The following TMEM169 variants were observed in gnomAD, a reference collection of about 807,000 sequenced individuals.
The protein encoded by TMEM169 is transmembrane protein 169.
TMEM169 carries 18 observed loss-of-function variants against 27.3 expected under a neutral mutation model. The observed-to-expected ratio is 0.66, with a 90% confidence interval of 0.46 to 0.98. The LOEUF (loss-of-function observed/expected upper bound fraction) is 0.98, where lower values mean the gene tolerates loss of function less well. Ranked by LOEUF, TMEM169 falls within the 50% of genes least tolerant of loss-of-function variation. The probability of loss-of-function intolerance (pLI) is 0.00; values close to 1 mark genes in which losing one functional copy is unlikely to be tolerated. For synonymous variants in TMEM169, 136 were observed against 142.1 expected, an observed-to-expected ratio of 0.96 and a Z score of 0.30; for missense variants, 320 against 368.6, an observed-to-expected ratio of 0.87 and a Z score of 1.08.
intron 1 of TMEM169, among the ~76,000 whole-genome samples, chr2:216,093,847 T>G (rs1229242608): frequency 1.3e-5 from 2 of 152,194 alleles, no homozygotes; most frequent in African/African-American, 4.8e-5. Flanking sequence ...TGCTATACAG[T>G]ACTTCCTGTC....
chr2:216,085,676 GC>G (rs1695978730), intron 1 of TMEM169, among the ~76,000 whole-genome samples: 1 of 152,092 alleles, frequency 6.6e-6, no homozygotes, highest in Non-Finnish European at 1.5e-5. Flanking sequence ...TTCGAGACCA[GC>G]CTGACCAACA....
rs750816269 is a variant in TMEM169 at position 216,100,126 on chromosome 2, G to A, written c.478G>A (p.Val160Met). 7 of 1,614,062 alleles carry A rather than the reference G, an allele frequency of 4.3e-6. No individual in the cohort carries two copies. The South Asian group carries it at 7.7e-5, about 18-fold the overall frequency. The change falls in exon 3 of 3, where the codon GTG (valine) becomes ATG (methionine). Residue 160 changes from valine (V) to methionine (M), a missense_variant. Transcript: ENST00000437356. ...CQMGADRGPH[V>M]VLWTLICLPV... ...GATGGGAGCTGACCGTGGGCCCCAT[G>A]TGGTCCTCTGGACGCTGATCTGCCT...
chr2:216,096,335 G>T, intron 2 of TMEM169, 101 bp downstream of exon 2: 3 of 1,338,988 alleles, frequency 2.2e-6, no homozygotes, highest in Non-Finnish European at 3.1e-6. Context: ...TTTCTTCTTG[G>T]TGATACATTT....
At chr2:216,083,996 C>T (rs1438286894) in intron 1 of TMEM169, among the ~76,000 whole-genome samples, 1 of 152,180 alleles carries the variant, frequency 6.6e-6, no homozygotes, top group Non-Finnish European at 1.5e-5. Flanking sequence ...CGCCATGCTG[C>T]ACTGACCACT....
intron 1 of TMEM169, 121 bp downstream of exon 1, chr2:216,082,100 A>G (rs575688901): frequency 8.4e-6 from 2 of 238,334 alleles, no homozygotes; most frequent in Non-Finnish European, 1.7e-5. Context: ...CAAAAATTCA[A>G]TCCTCAGGGC....
At chr2:216,092,407 C>T (rs1696154799) in intron 1 of TMEM169, among the ~76,000 whole-genome samples, 1 of 151,958 alleles carries the variant, frequency 6.6e-6, no homozygotes, top group East Asian at 1.9e-4. Context: ...CTTGATCTCC[C>T]AAAGTGCTGG....
At chr2:216,094,794 A>G (rs1180798152) in intron 1 of TMEM169, among the ~76,000 whole-genome samples, 1 of 152,232 alleles carries the variant, frequency 6.6e-6, no homozygotes, top group Non-Finnish European at 1.5e-5. Context: ...TGAAGGACAG[A>G]TATACAGACC....
intron 1 of TMEM169, among the ~76,000 whole-genome samples, chr2:216,089,199 G>T (rs772690172): frequency 5.9e-5 from 9 of 152,074 alleles, no homozygotes; most frequent in Non-Finnish European, 1.2e-4. Context: ...GTGAGGGAAG[G>T]TTCAAGAAAG....
At chr2:216,084,220 C>G (rs765671120) in intron 1 of TMEM169, among the ~76,000 whole-genome samples, 4 of 151,350 alleles carry the variant, frequency 2.6e-5, no homozygotes, top group Non-Finnish European at 5.9e-5. Flanking sequence ...CTCTGCAAAG[C>G]AGCTGCTAGC....
Position 216,095,917 on chromosome 2 carries a change from A to G in TMEM169, c.-47A>G, listed in dbSNP as rs1696250976. The G allele has an allele frequency of 6.4e-7, 1 of 1,566,424 alleles. No individual in the cohort carries two copies. The highest frequency in any genetic ancestry group is 1.4e-5 in the African/African-American group (1 of 73,092). On this transcript the variant is annotated 5_prime_UTR_variant, in exon 2 of 3. Coordinates refer to ENST00000437356, the MANE Select transcript of TMEM169 (RefSeq NM_001142311.2). Reference sequence around the variant, plus strand: ...TGATGTGTGAACTGTGAGTTTACTCAAACAAGTCCAACTCTTTATAAGACA... The same window carrying G: ...TGATGTGTGAACTGTGAGTTTACTCGAACAAGTCCAACTCTTTATAAGACA...
At chr2:216,094,571 C>G (rs1458117852) in intron 1 of TMEM169, among the ~76,000 whole-genome samples, 1 of 152,150 alleles carries the variant, frequency 6.6e-6, no homozygotes, top group Non-Finnish European at 1.5e-5. Context: ...AGTACAAACA[C>G]CACCTCTAAA....
intron 1 of TMEM169, chr2:216,082,688 T>C (rs1466788975): frequency 6.6e-6 from 1 of 152,234 alleles, no homozygotes; most frequent in East Asian, 1.9e-4. Context: ...GATTTATTAT[T>C]CAGATCTGCT....
intron 1 of TMEM169, among the ~76,000 whole-genome samples, chr2:216,086,010 G>T (rs1695986704): frequency 6.6e-6 from 1 of 152,070 alleles, no homozygotes; most frequent in South Asian, 2.1e-4. Flanking sequence ...CAATGACCAA[G>T]AGTACAGAGC....
At chr2:216,091,210 C>T (rs1235864948) in intron 1 of TMEM169, among the ~76,000 whole-genome samples, 1 of 152,130 alleles carries the variant, frequency 6.6e-6, no homozygotes, top group Non-Finnish European at 1.5e-5. Flanking sequence ...AAAGTGATGG[C>T]ATTAGGTGAG....
chr2:216,090,886 A>G (rs907344608), intron 1 of TMEM169, among the ~76,000 whole-genome samples: 3 of 152,224 alleles, frequency 2.0e-5, no homozygotes, highest in Admixed American at 2.0e-4. Context: ...AGGATCCCCA[A>G]ATTTAGGAAA....
intron 1 of TMEM169, among the ~76,000 whole-genome samples, chr2:216,091,510 T>C (rs1696123108): frequency 6.9e-6 from 1 of 144,214 alleles, no homozygotes; most frequent in African/African-American, 2.6e-5. Context: ...TGAGCCAAGA[T>C]TGCGCCACTG....
rs1296468722 is a variant in TMEM169, at chr2:216,101,262, C to G, written c.*720C>G. On this transcript the variant is annotated 3_prime_UTR_variant, in exon 3 of 3. Coordinates refer to ENST00000437356, the MANE Select transcript of TMEM169 (RefSeq NM_001142311.2). ...GTTTCTGATAAAATAGAGGAAAGGG[C>G]AGAGAAGCACACACCCTTCCTGTTC... The G allele has an allele frequency of 1.3e-5, 2 of 153,202 alleles. No homozygotes were observed. The highest frequency in any genetic ancestry group is 1.3e-4 in the Admixed American group (2 of 15,444). The allele number at this position is 153,202 out of a possible 1,614,324, so 9.5% of individuals were successfully genotyped here. A position where few individuals can be genotyped will look rare whatever the true frequency, so the allele number is the denominator to read the frequency against.
chr2:216,087,772 C>A (rs1381388870), intron 1 of TMEM169, among the ~76,000 whole-genome samples: 1 of 152,212 alleles, frequency 6.6e-6, no homozygotes, highest in African/African-American at 2.4e-5. Context: ...CTTAGAGCAG[C>A]ACTTGGCACA....
rs1037525984 is a variant in TMEM169 at position 216,101,070 on chromosome 2, A to C, written c.*528A>C. ...AGTGGCTTAAACAAGATAGAAGTGT[A>C]TTTCTTTCTTGTGCAGAAGAAGTCT... On this transcript the variant is annotated 3_prime_UTR_variant, in exon 3 of 3. Coordinates refer to ENST00000437356, the MANE Select transcript of TMEM169 (RefSeq NM_001142311.2). 1.2e-5 allele frequency: 2 copies of C among 171,570 alleles called. No individual in the cohort carries two copies. The allele number at this position is 171,570 out of a possible 1,614,324, so 10.6% of individuals were successfully genotyped here.
Sources: gnomAD v4.1 joint callset for allele counts (sites outside exome capture counted in the v4.1 genomes callset) on GRCh38, gnomAD v4.1.1 for gene constraint, MANE v1.5 for transcripts, NCBI Gene and HGNC (gene_info 2026-07-23, HGNC 2026-07-21) for gene names.